Variants in SNX19 observed in about 807,000 individuals in gnomAD.
SNX19 encodes sorting nexin 19.
A neutral mutation model predicts 85.2 loss-of-function variants in SNX19; 60 were observed. The observed-to-expected ratio is 0.70, with a 90% CI of 0.57 to 0.87. SNX19 has a LOEUF of 0.87. SNX19 is among the 40% of genes least tolerant of loss of function. The pLI is 0.00. For missense variants in SNX19, 1,201 were observed against 1,217.8 expected (o/e 0.99, Z 0.21); for synonymous variants, 520 against 470.0 (o/e 1.11, Z -1.38).
chr11:130,904,108 C>T (rs913522556), intron 7 of SNX19, among the ~76,000 whole-genome samples: 4 of 152,132 alleles, frequency 2.6e-5, no homozygotes, highest in African/African-American at 9.7e-5. Flanking sequence ...ACTGTAAGGG[C>T]CACAAATGAG....
rs763219113 is a variant in SNX19 at position 130,915,306 on chromosome 11, T to C, written c.634A>G (p.Thr212Ala). The C allele has an allele frequency of 6.2e-7, 1 of 1,614,000 alleles. No homozygotes were observed. The highest frequency in any genetic ancestry group is 1.3e-5 in the African/African-American group (1 of 74,904). ...VHSPSAEVTYTRGVVNLLLQG... is the reference protein window; with the variant it reads ...VHSPSAEVTYARGVVNLLLQG... ...AGCAACAAATTCACAACGCCACGCG[T>C]ATAGGTGACTTCAGCACTGGGGCTG... The change falls in exon 1 of 11, where the codon ACG becomes GCG. Residue 212 changes from threonine to alanine, a missense_variant. By Grantham distance (58) the Thr-to-Ala change is moderately conservative. This residue lies in a region of SNX19 where 791 missense variants were observed against 750.9 expected (regional missense o/e 1.05). Coordinates refer to ENST00000265909, the MANE Select transcript of SNX19 (RefSeq NM_014758.3).
At chr11:130,906,533 TTC>T (rs377321122) in intron 6 of SNX19, 90 bp downstream of exon 6, 4 of 890,708 alleles carry the variant, frequency 4.5e-6, no homozygotes, top group Non-Finnish European at 5.6e-6. Flanking sequence ...AGCAGGACAT[TTC>T]TGACTTCAGA....
rs1218272669 is a variant in SNX19 at position 130,876,431 on chromosome 11, A to G, written c.*1991T>C. On this transcript the variant is annotated 3_prime_UTR_variant, in exon 11 of 11. Coordinates refer to ENST00000265909, the MANE Select transcript of SNX19 (RefSeq NM_014758.3). Reference sequence around the variant, plus strand: ...GTGGAGTAGAGGTGGGGACTCTTATATAATACGAAATAAAAATAAGTTCTT... The same window carrying G: ...GTGGAGTAGAGGTGGGGACTCTTATGTAATACGAAATAAAAATAAGTTCTT... 1 of 152,690 alleles carries G rather than the reference A, an allele frequency of 6.5e-6. No individual in the cohort carries two copies. The highest frequency in any genetic ancestry group is 1.9e-4 in the East Asian group (1 of 5,194). 9.5% of individuals were successfully genotyped at this position (152,690 alleles called of 1,614,324 possible).
chr11:130,869,369 A>T lies in SNX19; in HGVS notation c.*9053T>A, dbSNP rs1942918827. 2 of 152,264 alleles carry T rather than the reference A, an allele frequency of 1.3e-5. No homozygotes were observed. The highest frequency in any genetic ancestry group is 4.1e-4 in the South Asian group (2 of 4,838). 9.4% of individuals were successfully genotyped at this position (152,264 alleles called of 1,614,324 possible). ...GGAACTATATGAACAGATGCCATTA[A>T]CAGGTTTTTGCTTTTACATGTCATC... On this transcript the variant is annotated 3_prime_UTR_variant, in exon 11 of 11. Transcript: ENST00000265909.
chr11:130,905,463 C>G (rs1565539623), intron 7 of SNX19, among the ~76,000 whole-genome samples: 1 of 152,166 alleles, frequency 6.6e-6, no homozygotes, highest in Non-Finnish European at 1.5e-5. Flanking sequence ...CATGTTAGAG[C>G]TGAAGCCAAC....
Position 130,867,154 on chromosome 11 carries a change from C to T in SNX19, c.*11268G>A, listed in dbSNP as rs900234880. 5 of 152,254 alleles carry T rather than the reference C, an allele frequency of 3.3e-5. No homozygotes were observed. The highest frequency in any genetic ancestry group is 4.8e-5 in the African/African-American group (2 of 41,472). The allele number at this position is 152,254 out of a possible 1,614,324, so 9.4% of individuals were successfully genotyped here. Reference sequence around the variant, plus strand: ...TGGGTGAGTGATCCTGGGCAAAAGACAAGCTCTCTGCATTTCAGTTTCCTC... The same window carrying T: ...TGGGTGAGTGATCCTGGGCAAAAGATAAGCTCTCTGCATTTCAGTTTCCTC... On this transcript the variant is annotated 3_prime_UTR_variant, in exon 11 of 11. Coordinates refer to ENST00000265909, the MANE Select transcript of SNX19 (RefSeq NM_014758.3).
intron 1 of SNX19, among the ~76,000 whole-genome samples, chr11:130,912,336 A>G (rs1015685400): frequency 2.6e-5 from 4 of 152,206 alleles, no homozygotes; most frequent in African/African-American, 9.7e-5. Context: ...CATCTGTATC[A>G]CAGAAGTCAC....
chr11:130,885,551 GA>G (rs1427880358), intron 8 of SNX19, among the ~76,000 whole-genome samples: 1 of 152,198 alleles, frequency 6.6e-6, no homozygotes, highest in Non-Finnish European at 1.5e-5. Flanking sequence ...ATGGCTGAGT[GA>G]GAAAGGGTCT....
In SNX19 at chr11:130,906,616, G is replaced by GC; in HGVS notation, c.2262+8_2262+9insG. The GC allele has an allele frequency of 1.3e-6, 2 of 1,596,028 alleles. No homozygotes were observed. Among genetic ancestry groups the GC allele is most frequent in the Non-Finnish European group, 1.7e-6 (2 of 1,164,030 alleles). ...TTTTGCCTCACATTCTCTGGGTTTT[G>GC]GTTCTTACCACATTGCCTTCCTGGA... is the stretch of plus-strand genomic sequence containing the variant. On this transcript the variant is annotated intron_variant, in intron 6 of 10. Transcript: ENST00000265909.
At chr11:130,881,578 T>C (rs1183738514) in intron 8 of SNX19, among the ~76,000 whole-genome samples, 2 of 152,218 alleles carry the variant, frequency 1.3e-5, no homozygotes, top group Admixed American at 6.5e-5. Context: ...CAAATTCCTC[T>C]CTCTACCTCC....
intron 8 of SNX19, among the ~76,000 whole-genome samples, chr11:130,888,562 A>G (rs995001613): frequency 7.2e-5 from 11 of 152,184 alleles, no homozygotes; most frequent in Admixed American, 3.3e-4. Context: ...CTCCTACTGA[A>G]CCCATAATGG....
chr11:130,896,410 G>A (rs1256686378), intron 8 of SNX19, among the ~76,000 whole-genome samples: 1 of 152,170 alleles, frequency 6.6e-6, no homozygotes, highest in Non-Finnish European at 1.5e-5. Context: ...AGAATATGCA[G>A]ACAAAAATAA....
Position 130,872,869 on chromosome 11 carries a change from A to G in SNX19, c.*5553T>C, listed in dbSNP as rs1943081762. 6.6e-6 allele frequency among the ~76,000 whole-genome samples: 1 copy of G among 152,262 alleles called. No individual in the cohort carries two copies. The highest frequency in any genetic ancestry group is 2.4e-5 in the African/African-American group (1 of 41,554). ...TCCTTTCCTCATCCTGGGAAAACAC[A>G]TCTTGCTCCAGTGCAAAGTTAGATT... On this transcript the variant is annotated 3_prime_UTR_variant, in exon 11 of 11. Coordinates refer to ENST00000265909, the MANE Select transcript of SNX19 (RefSeq NM_014758.3).
chr11:130,912,206 A>T (rs73028892), intron 1 of SNX19, among the ~76,000 whole-genome samples: 24,152 of 152,192 alleles, frequency 0.16, 2,187 homozygotes, highest in Middle Eastern at 0.25. Flanking sequence ...TAATCCAAAC[A>T]GCAGATATAA....
intron 4 of SNX19, 133 bp from the exon 5 acceptor site, chr11:130,908,216 A>G (rs1945825975): frequency 3.1e-6 from 3 of 966,216 alleles, no homozygotes; most frequent in Non-Finnish European, 4.4e-6. Context: ...AGCCTTATCC[A>G]GTAGGAAGGT....
chr11:130,873,517 T>C lies in SNX19; in HGVS notation c.*4905A>G, dbSNP rs1291856168. Reference sequence around the variant, plus strand: ...ATTGACATGGTTTGTATCTAGGCTCTGCCACTCCCTTGCAAATGACTGTGG... The same window carrying C: ...ATTGACATGGTTTGTATCTAGGCTCCGCCACTCCCTTGCAAATGACTGTGG... On this transcript the variant is annotated 3_prime_UTR_variant, in exon 11 of 11. Coordinates refer to ENST00000265909, the MANE Select transcript of SNX19 (RefSeq NM_014758.3). 6.6e-6 allele frequency among the ~76,000 whole-genome samples: 1 copy of C among 152,184 alleles called. No individual in the cohort carries two copies. The highest frequency in any genetic ancestry group is 1.5e-5 in the Non-Finnish European group (1 of 68,032).
chr11:130,903,450 G>T, intron 7 of SNX19, 66 bp from the exon 8 acceptor site: 1 of 1,555,844 alleles, frequency 6.4e-7, no homozygotes, highest in Non-Finnish European at 8.7e-7. Context: ...ATCTTTCAAG[G>T]TACTGGTGGC....
chr11:130,911,719 T>C lies in SNX19; in HGVS notation c.1727A>G (p.Tyr576Cys). The change falls in exon 2 of 11, where the codon TAC (tyrosine) becomes TGC (cysteine). Residue 576 changes from tyrosine to cysteine, a missense_variant. Tyr to Cys is a radical substitution (Grantham distance 194). Around this residue, in one of 3 missense-constraint regions of SNX19, gnomAD observed 791 missense variants for 750.9 expected, o/e 1.05. Coordinates refer to ENST00000265909, the MANE Select transcript of SNX19 (RefSeq NM_014758.3). ...CCGATAGCGACGATTCACAGTGTGGTAGGCCAGCTGCTGCAGGCCGCTGCT... is the reference window on the plus strand; with the variant it reads ...CCGATAGCGACGATTCACAGTGTGGCAGGCCAGCTGCTGCAGGCCGCTGCT... ...ENSSGLQQLAYHTVNRRYREF... is the reference protein window; with the variant it reads ...ENSSGLQQLACHTVNRRYREF... 3.7e-6 allele frequency: 6 copies of C among 1,614,208 alleles called. No individual in the cohort carries two copies. Among genetic ancestry groups the C allele is most frequent in the Non-Finnish European group, 5.1e-6 (6 of 1,180,028 alleles).
Position 130,910,029 on chromosome 11 carries a change from T to C in SNX19, c.2023A>G (p.Arg675Gly). The C allele has an allele frequency of 6.2e-7, 1 of 1,613,518 alleles. No homozygotes were observed. Among genetic ancestry groups the C allele is most frequent in the Non-Finnish European group, 8.5e-7 (1 of 1,180,036 alleles). ...AFVKKPFMVS[R>G]IDKMVVSAIV... is the part of the protein sequence containing the mutation. ...GGCCCTGCTGGTACCTTGTCTATTC[T>C]AGAGACCATAAATGGTTTCTTGACA... Residue 675 changes from arginine to glycine, a missense_variant, in exon 4 of 11, where the codon AGA becomes GGA. Around this residue, in one of 3 missense-constraint regions of SNX19, gnomAD observed 125 missense variants for 171.6 expected, o/e 0.73. Transcript: ENST00000265909.
Sources: allele counts gnomAD v4.1 joint callset (sites outside exome capture counted in the v4.1 genomes callset), GRCh38; gene constraint gnomAD v4.1.1; regional missense constraint gnomAD v4.1.1; transcripts MANE v1.5; gene names NCBI Gene and HGNC (gene_info 2026-07-23, HGNC 2026-07-21).